The following FSTL5 variants were observed in gnomAD, a reference collection of about 807,000 sequenced individuals.
The protein encoded by FSTL5 is follistatin-related protein 5.
A neutral mutation model predicts 89.1 loss-of-function variants in FSTL5; 62 were observed. The observed-to-expected ratio is 0.70, with a 90% CI of 0.57 to 0.86. The LOEUF (loss-of-function observed/expected upper bound fraction) is 0.86. FSTL5 is among the 40% of genes least tolerant of loss of function. The probability of loss-of-function intolerance (pLI) is 0.00; values close to 1 mark genes in which losing one functional copy is unlikely to be tolerated. For synonymous variants in FSTL5, 383 were observed against 346.2 expected, an observed-to-expected ratio of 1.11 and a Z score of -1.18; for missense variants, 1,057 against 1,001.6, an observed-to-expected ratio of 1.06 and a Z score of -0.75.
At chr4:161,457,686 A>T (rs1273235209) in intron 14 of FSTL5, among the ~76,000 whole-genome samples, 3 of 152,120 alleles carry the variant, frequency 2.0e-5, no homozygotes, top group African/African-American at 7.2e-5. Flanking sequence ...ATGTTATACT[A>T]ATCTTAAAGT....
rs185123004 is a variant in FSTL5 at position 161,615,548 on chromosome 4, T to A, written c.895-27973A>T. ...GTACAACTCTACAAACACACACACA[T>A]GCATGTACACGCACACACACACAAA... On this transcript the variant is annotated intron_variant, in intron 7 of 15. Coordinates refer to ENST00000306100, the MANE Select transcript of FSTL5 (RefSeq NM_020116.5). 2.2e-4 allele frequency among the ~76,000 whole-genome samples: 33 copies of A among 151,432 alleles called. No individual in the cohort carries two copies. The East Asian group carries it at 5.6e-3, about 26-fold the overall frequency.
At chr4:161,519,619 C>T (rs1187708866) in intron 10 of FSTL5, among the ~76,000 whole-genome samples, 2 of 152,140 alleles carry the variant, frequency 1.3e-5, no homozygotes, top group Non-Finnish European at 2.9e-5. Context: ...AGATTGGCAA[C>T]ACCTAAGCTT....
intron 15 of FSTL5, among the ~76,000 whole-genome samples, chr4:161,450,760 T>TTTTTTTTA (rs1733135805): frequency 7.0e-6 from 1 of 142,764 alleles, no homozygotes; most frequent in Non-Finnish European, 1.6e-5. Flanking sequence ...TTTTTTTTTT[T>TTTTTTTTA]GAGACAGAGT....
intron 2 of FSTL5, among the ~76,000 whole-genome samples, chr4:162,066,376 T>TCTC (rs1561000631): frequency 1.9e-4 from 26 of 137,292 alleles, no homozygotes; most frequent in Non-Finnish European, 3.3e-4. Context: ...TTCTTCTCCT[T>TCTC]CTTCTTCTTC....
Position 161,535,834 on chromosome 4 carries a change from T to C in FSTL5, c.1312+2332A>G, listed in dbSNP as rs1252254195. ...CACAATACTAAAGACATGGAATCAA[T>C]CTAGGTGCCTATCAATGGTGGGCTG... On this transcript the variant is annotated intron_variant, in intron 10 of 15. Transcript: ENST00000306100. 1.3e-5 allele frequency among the ~76,000 whole-genome samples: 2 copies of C among 152,022 alleles called. 1 individual carries two copies. Among genetic ancestry groups the C allele is most frequent in the Non-Finnish European group, 2.9e-5 (2 of 67,978 alleles).
intron 10 of FSTL5, among the ~76,000 whole-genome samples, chr4:161,512,343 A>C (rs1191567390): frequency 6.6e-6 from 1 of 152,166 alleles, no homozygotes; most frequent in Non-Finnish European, 1.5e-5. Flanking sequence ...CATAGAACCT[A>C]TATTCTAATT....
chr4:161,564,530 T>G (rs1417142443), intron 8 of FSTL5, among the ~76,000 whole-genome samples: 2 of 151,218 alleles, frequency 1.3e-5, no homozygotes, highest in African/African-American at 4.8e-5. Context: ...ATTAATTTAT[T>G]AATTTTTATT....
intron 2 of FSTL5, among the ~76,000 whole-genome samples, chr4:162,096,069 A>G (rs1730738654): frequency 6.6e-6 from 1 of 152,102 alleles, no homozygotes; most frequent in East Asian, 1.9e-4. Context: ...GTGGTCAGAT[A>G]AGCTACATTT....
intron 7 of FSTL5, among the ~76,000 whole-genome samples, chr4:161,639,449 G>A (rs1191622714): frequency 2.6e-5 from 4 of 151,998 alleles, no homozygotes; most frequent in Admixed American, 6.6e-5. Context: ...CTAAATATAT[G>A]ACCCAAGTGT....
intron 13 of FSTL5, 58 bp downstream of exon 13, chr4:161,480,962 A>T: frequency 8.4e-7 from 1 of 1,194,064 alleles, no homozygotes; most frequent in Non-Finnish European, 1.2e-6. Flanking sequence ...AAAGATTACT[A>T]CAATGATATA....
chr4:161,475,478 C>A (rs1463894379), intron 13 of FSTL5, among the ~76,000 whole-genome samples: 4 of 152,042 alleles, frequency 2.6e-5, no homozygotes, highest in Non-Finnish European at 5.9e-5. Context: ...CTCAATAATT[C>A]AATTGTCCTA....
intron 1 of FSTL5, among the ~76,000 whole-genome samples, chr4:162,119,143 C>T (rs994986026): frequency 2.6e-5 from 4 of 151,434 alleles, no homozygotes; most frequent in African/African-American, 4.9e-5. Context: ...GGGTGGATTG[C>T]GTAAGCCCAG....
chr4:162,035,447 A>G (rs191593582), intron 2 of FSTL5: 1 of 152,218 alleles, frequency 6.6e-6, no homozygotes, highest in African/African-American at 2.4e-5. Context: ...GTCCTAGGGG[A>G]GAAAAAAATT....
At chr4:161,469,806 TTTTG>T (rs1461642550) in intron 13 of FSTL5, among the ~76,000 whole-genome samples, 5 of 151,776 alleles carry the variant, frequency 3.3e-5, no homozygotes, top group African/African-American at 2.4e-5. Context: ...CCCGGCTACT[TTTTG>T]TTTGTTTGAT....
intron 1 of FSTL5, among the ~76,000 whole-genome samples, chr4:162,128,266 G>A (rs1156480024): frequency 6.6e-6 from 1 of 152,124 alleles, no homozygotes; most frequent in Admixed American, 6.5e-5. Flanking sequence ...AAAACCCAGA[G>A]TCTTTTCAAG....
chr4:161,461,588 T>G (rs2126415371), intron 13 of FSTL5, among the ~76,000 whole-genome samples: 1 of 151,768 alleles, frequency 6.6e-6, no homozygotes, highest in East Asian at 1.9e-4. Flanking sequence ...GAACAGCTAT[T>G]CCCAGACTTG....
At chr4:161,788,621 C>T (rs760633743) in intron 4 of FSTL5, among the ~76,000 whole-genome samples, 1 of 152,290 alleles carries the variant, frequency 6.6e-6, no homozygotes, top group South Asian at 2.1e-4. Context: ...CATCACTGCT[C>T]ATGCCTATAA....
intron 12 of FSTL5, among the ~76,000 whole-genome samples, chr4:161,485,755 A>T (rs555834831): frequency 4.6e-5 from 7 of 152,316 alleles, no homozygotes; most frequent in Admixed American, 2.6e-4. Flanking sequence ...TATAGTTTAT[A>T]TGTCAAATAT....
chr4:162,101,779 T>C (rs1453047760), intron 2 of FSTL5, among the ~76,000 whole-genome samples: 1 of 152,156 alleles, frequency 6.6e-6, no homozygotes, highest in Non-Finnish European at 1.5e-5. Flanking sequence ...AGAATATTTC[T>C]TTTCATTTGT....
Sources: allele counts gnomAD v4.1 joint callset (sites outside exome capture counted in the v4.1 genomes callset), GRCh38; gene constraint gnomAD v4.1.1; transcripts MANE v1.5; gene names NCBI Gene and HGNC (gene_info 2026-07-23, HGNC 2026-07-21).